The following GGNBP2 variants were observed in gnomAD, a reference collection of about 807,000 sequenced individuals.
GGNBP2 encodes the protein gametogenetin-binding protein 2.
Under a neutral mutation model 85.9 loss-of-function variants are expected in GGNBP2, and 10 were observed. The observed-to-expected ratio is 0.12, with a 90% CI of 0.07 to 0.20. The LOEUF (loss-of-function observed/expected upper bound fraction) is 0.20, where lower values mean the gene tolerates loss of function less well. Among genes scored for constraint, GGNBP2 ranks in the 10% least tolerant of loss-of-function variants. The probability of loss-of-function intolerance (pLI) is 1.00; values close to 1 mark genes in which losing one functional copy is unlikely to be tolerated. For synonymous variants in GGNBP2, 287 were observed against 285.7 expected (o/e 1.00, Z -0.05); for missense variants, 595 against 857.8 (o/e 0.69, Z 3.83).
At chr17:36,588,879 C>A (rs906911315) in intron 13 of GGNBP2, among the ~76,000 whole-genome samples, 1 of 152,080 alleles carries the variant, frequency 6.6e-6, no homozygotes, top group South Asian at 2.1e-4. Context: ...ACTGGAGATA[C>A]GTCTGGCTAC....
intron 2 of GGNBP2, among the ~76,000 whole-genome samples, chr17:36,549,493 A>G (rs1050480533): frequency 1.3e-5 from 2 of 152,244 alleles, no homozygotes; most frequent in Admixed American, 6.5e-5. Context: ...GGTGTGAGCC[A>G]CCACACCCGG....
intron 2 of GGNBP2, chr17:36,546,144 T>TA: frequency 7.1e-6 from 3 of 420,440 alleles, no homozygotes; most frequent in Non-Finnish European, 1.3e-5. Flanking sequence ...CTTGGGCGTT[T>TA]AGGGCCTACC....
intron 5 of GGNBP2, among the ~76,000 whole-genome samples, chr17:36,566,113 C>T (rs1038578912): frequency 6.6e-6 from 1 of 152,182 alleles, no homozygotes; most frequent in African/African-American, 2.4e-5. Flanking sequence ...GAGGTTTTTC[C>T]GTCTCTGGCG....
intron 9 of GGNBP2, among the ~76,000 whole-genome samples, chr17:36,584,870 CT>C (rs1177739366): frequency 2.0e-5 from 3 of 151,054 alleles, no homozygotes; most frequent in African/African-American, 7.3e-5. Context: ...AGAAGGATTG[CT>C]TGAGCCCAGG....
At chr17:36,556,085 C>T (rs573720186) in intron 3 of GGNBP2, among the ~76,000 whole-genome samples, 48 of 152,276 alleles carry the variant, frequency 3.2e-4, no homozygotes, top group African/African-American at 1.1e-3. Flanking sequence ...CCGTTTTTGG[C>T]AAATCTGAAA....
chr17:36,572,784 A>C (rs1413587540), intron 6 of GGNBP2, among the ~76,000 whole-genome samples: 1 of 152,182 alleles, frequency 6.6e-6, no homozygotes, highest in African/African-American at 2.4e-5. Flanking sequence ...TGTACAACAG[A>C]TCTCTAGAAC....
At chr17:36,566,475 C>T (rs1172370068) in intron 5 of GGNBP2, among the ~76,000 whole-genome samples, 1 of 151,920 alleles carries the variant, frequency 6.6e-6, no homozygotes, top group African/African-American at 2.4e-5. Flanking sequence ...GCCTGGGCAA[C>T]ATGACAAGAC....
At chr17:36,559,917 C>G (rs1331809034) in intron 4 of GGNBP2, among the ~76,000 whole-genome samples, 2 of 152,128 alleles carry the variant, frequency 1.3e-5, no homozygotes, top group Non-Finnish European at 2.9e-5. Flanking sequence ...TCATTGCTAC[C>G]TCCGCCTCCC....
intron 2 of GGNBP2, among the ~76,000 whole-genome samples, chr17:36,551,836 A>C (rs2074311725): frequency 6.6e-6 from 1 of 152,138 alleles, no homozygotes; most frequent in Admixed American, 6.6e-5. Context: ...TCTCAAAAAA[A>C]AAATTTTACA....
chr17:36,560,046 C>T (rs1395401279), intron 4 of GGNBP2, among the ~76,000 whole-genome samples: 2 of 152,046 alleles, frequency 1.3e-5, no homozygotes, highest in Non-Finnish European at 2.9e-5. Flanking sequence ...CCATGTTGGC[C>T]AGGCTGGTCT....
chr17:36,581,724 T>G, intron 9 of GGNBP2, 186 bp downstream of exon 9: 2 of 381,704 alleles, frequency 5.2e-6, no homozygotes, highest in Non-Finnish European at 4.7e-6. Flanking sequence ...TCTATTTATT[T>G]TATTTTATTT....
At chr17:36,558,575 C>T (rs2074386494) in intron 4 of GGNBP2, among the ~76,000 whole-genome samples, 1 of 151,502 alleles carries the variant, frequency 6.6e-6, no homozygotes, top group Admixed American at 6.6e-5. Context: ...CCTGCCTCAG[C>T]CTCCCAAGTA....
intron 6 of GGNBP2, among the ~76,000 whole-genome samples, chr17:36,568,810 C>T (rs937837888): frequency 7.3e-5 from 11 of 151,240 alleles, no homozygotes; most frequent in African/African-American, 1.7e-4. Context: ...GGCTGGAATG[C>T]GCTGGCTCGA....
At chr17:36,560,532 T>C (rs772089974) in intron 4 of GGNBP2, among the ~76,000 whole-genome samples, 3 of 152,300 alleles carry the variant, frequency 2.0e-5, no homozygotes, top group Non-Finnish European at 2.9e-5. Context: ...ACTACAGGTG[T>C]GTGCTTCTGC....
At chr17:36,573,852 T>G (rs911771139) in intron 6 of GGNBP2, among the ~76,000 whole-genome samples, 2 of 152,302 alleles carry the variant, frequency 1.3e-5, no homozygotes, top group South Asian at 4.1e-4. Flanking sequence ...ATTCATGCTT[T>G]GCCCATTTAT....
chr17:36,587,330 T>C, intron 13 of GGNBP2, 85 bp downstream of exon 13: 1 of 1,392,506 alleles, frequency 7.2e-7, no homozygotes, highest in Non-Finnish European at 1.0e-6. Context: ...GGGCTTAAGG[T>C]AGGTAGTTGA....
chr17:36,580,889 A>T (rs2074641961), intron 8 of GGNBP2, among the ~76,000 whole-genome samples: 2 of 151,952 alleles, frequency 1.3e-5, no homozygotes. Flanking sequence ...ACTGTACTCC[A>T]GCCTGGGCGA....
chr17:36,575,196 T>TGCGGCCTCAGCC (rs780977052), intron 6 of GGNBP2: 62 of 643,348 alleles, frequency 9.6e-5, no homozygotes, highest in African/African-American at 5.8e-4. Flanking sequence ...CCATGAGCTC[T>TGCGGCCTCAGCC]GCGGCCTCAG....
rs17138339 is a variant in GGNBP2, at chr17:36,585,494, C to G, written c.1366+44C>G. 4.2e-3 allele frequency: 5,595 copies of G among 1,334,416 alleles called. 136 individuals carry two copies. The African/African-American group carries it at 0.057, about 14-fold the overall frequency. 82.7% of individuals were successfully genotyped at this position (1,334,416 alleles called of 1,614,324 possible). A position where few individuals can be genotyped will look rare whatever the true frequency, so the allele number is the denominator to read the frequency against. ...TTTAAAATGAACTCTTAACTCTATT[C>G]TTTCTTACTGTTAAATGTAAGAGCT... On this transcript the variant is annotated intron_variant, in intron 10 of 13. Coordinates refer to ENST00000613102, the MANE Select transcript of GGNBP2 (RefSeq NM_024835.5).
Sources: allele counts gnomAD v4.1 joint callset (sites outside exome capture counted in the v4.1 genomes callset), GRCh38; gene constraint gnomAD v4.1.1; transcripts MANE v1.5; gene names NCBI Gene and HGNC (gene_info 2026-07-23, HGNC 2026-07-21).